The following DLG2 variants were observed in gnomAD, a reference collection of about 807,000 sequenced individuals.
The protein encoded by DLG2 is disks large homolog 2.
In DLG2, 45 loss-of-function variants were observed where a neutral mutation model predicts 132.5. The ratio of observed to expected loss-of-function variants is 0.34; its 90% CI spans 0.27 to 0.44. The LOEUF is 0.44. DLG2 is among the 20% of genes least tolerant of loss of function. The pLI, the probability that DLG2 is intolerant of heterozygous loss-of-function variation, is 1.00. For missense variants in DLG2, 1,045 were observed against 1,196.9 expected, an observed-to-expected ratio of 0.87 and a Z score of 1.87; for synonymous variants, 424 against 419.6, an observed-to-expected ratio of 1.01 and a Z score of -0.13.
chr11:83,489,956 A>AGAT (rs35941140), intron 21 of DLG2, among the ~76,000 whole-genome samples: 55,662 of 151,586 alleles, frequency 0.37, 10,257 homozygotes, highest in Middle Eastern at 0.45. Flanking sequence ...TAGAGGCATG[A>AGAT]GATATAAACT....
intron 6 of DLG2, among the ~76,000 whole-genome samples, chr11:84,604,580 G>C (rs947674302): frequency 6.6e-6 from 1 of 151,840 alleles, no homozygotes; most frequent in Admixed American, 6.6e-5. Flanking sequence ...AGATGGCATG[G>C]AACAAAATAA....
chr11:83,945,237 T>C (rs939688641), intron 14 of DLG2, among the ~76,000 whole-genome samples: 12 of 152,164 alleles, frequency 7.9e-5, no homozygotes, highest in African/African-American at 2.4e-4. Flanking sequence ...GACTTCATCA[T>C]TGCGCTACAG....
chr11:84,921,761 T>C (rs2092767026), intron 6 of DLG2, among the ~76,000 whole-genome samples: 1 of 152,174 alleles, frequency 6.6e-6, no homozygotes, highest in Non-Finnish European at 1.5e-5. Flanking sequence ...ACAATGCATG[T>C]CATACCCATA....
intron 15 of DLG2, among the ~76,000 whole-genome samples, chr11:83,903,030 C>T (rs1048508409): frequency 6.6e-6 from 1 of 152,046 alleles, no homozygotes; most frequent in African/African-American, 2.4e-5. Context: ...TCCATTTTAC[C>T]CAATTTTATG....
In DLG2 at chr11:84,979,293, C is replaced by A. The variant is rs573904028; in HGVS notation, c.357+132368G>T. Reference sequence around the variant, plus strand: ...AACTAGAAATACCATTTGACCCAGCCATCCCATTACTGGGTATATACCCAA... The same window carrying A: ...AACTAGAAATACCATTTGACCCAGCAATCCCATTACTGGGTATATACCCAA... On this transcript the variant is annotated intron_variant, in intron 6 of 27. Transcript: ENST00000376104. Among the ~76,000 whole-genome samples, 8 of 152,284 alleles carry A rather than the reference C, an allele frequency of 5.3e-5. No homozygotes were observed. In the South Asian group the frequency reaches 1.7e-3, roughly 32 times the overall value.
chr11:83,484,490 TAGA>T lies in DLG2; in HGVS notation c.2194-265_2194-263del, dbSNP rs530546023. Among the ~76,000 whole-genome samples the T allele has an allele frequency of 7.1e-5, 9 of 127,004 alleles. No individual in the cohort carries two copies. The East Asian group carries it at 1.3e-3, about 19-fold the overall frequency. The allele number at this position is 127,004 out of a possible 152,430, so 83.3% of individuals were successfully genotyped here. A position where few individuals can be genotyped will look rare whatever the true frequency, so the allele number is the denominator to read the frequency against. ...GTGATGGAGGGAAAGAGTCTTAAAT[TAGA>T]AGGAGAAGACCCAGAATTTTTTGAA... On this transcript the variant is annotated intron_variant, in intron 21 of 27. Transcript: ENST00000376104.
intron 6 of DLG2, among the ~76,000 whole-genome samples, chr11:85,098,497 T>C (rs7936452): frequency 3.9e-5 from 6 of 152,222 alleles, no homozygotes; most frequent in Non-Finnish European, 1.5e-5. Flanking sequence ...AGATTTTAGA[T>C]ATTAAGTTTT....
intron 7 of DLG2, among the ~76,000 whole-genome samples, chr11:84,518,166 G>A (rs925221644): frequency 1.1e-5 from 1 of 92,712 alleles, no homozygotes; most frequent in African/African-American, 4.4e-5. Context: ...AGTGGCCAAC[G>A]TAACAACTGG....
chr11:83,670,243 T>C (rs1157167876), intron 18 of DLG2, among the ~76,000 whole-genome samples: 2 of 152,182 alleles, frequency 1.3e-5, no homozygotes, highest in African/African-American at 4.8e-5. Context: ...AGGCTTCTTC[T>C]ACGTGTTACA....
At position 84,096,797 on chromosome 11, in the gene DLG2, A is replaced by C. The variant is rs532384026; in HGVS notation, c.749+2126T>G. Among the ~76,000 whole-genome samples, 12 of 152,282 alleles carry C rather than the reference A, an allele frequency of 7.9e-5. No homozygotes were observed. The East Asian group carries it at 2.1e-3, about 27-fold the overall frequency. On this transcript the variant is annotated intron_variant, in intron 10 of 27. Transcript: ENST00000376104. ...TTCACTCTAGTGGGGATATGTCCTCATTCAGAAATTAATTTAGTTAATTCA... is the reference window on the plus strand; with the variant it reads ...TTCACTCTAGTGGGGATATGTCCTCCTTCAGAAATTAATTTAGTTAATTCA...
intron 15 of DLG2, among the ~76,000 whole-genome samples, chr11:83,889,196 C>G (rs971283140): frequency 6.6e-6 from 1 of 151,994 alleles, no homozygotes; most frequent in African/African-American, 2.4e-5. Flanking sequence ...AAAATTTTCG[C>G]AACCTACTCA....
At chr11:84,172,500 A>C (rs2095847277) in intron 8 of DLG2, among the ~76,000 whole-genome samples, 1 of 150,944 alleles carries the variant, frequency 6.6e-6, no homozygotes, top group Admixed American at 6.7e-5. Flanking sequence ...AAATCAGTAT[A>C]CTATAATTTT....
At chr11:84,619,766 T>C (rs1210081778) in intron 6 of DLG2, among the ~76,000 whole-genome samples, 1 of 151,620 alleles carries the variant, frequency 6.6e-6, no homozygotes, top group Non-Finnish European at 1.5e-5. Context: ...AAATGTAAAA[T>C]ATTTAAGGAA....
At chr11:85,528,198 A>G (rs2074932420) in intron 3 of DLG2, among the ~76,000 whole-genome samples, 1 of 152,008 alleles carries the variant, frequency 6.6e-6, no homozygotes, top group Admixed American at 6.6e-5. Context: ...ATTAGATCCC[A>G]TTTGTCAATT....
intron 19 of DLG2, among the ~76,000 whole-genome samples, chr11:83,585,454 T>A (rs1336143827): frequency 6.6e-6 from 1 of 152,206 alleles, no homozygotes; most frequent in African/African-American, 2.4e-5. Flanking sequence ...TTTCTGAGAT[T>A]TTCCCCCTAC....
At chr11:84,858,281 T>C (rs2083066989) in intron 6 of DLG2, among the ~76,000 whole-genome samples, 1 of 151,940 alleles carries the variant, frequency 6.6e-6, no homozygotes, top group South Asian at 2.1e-4. Flanking sequence ...CCCAGAAAAG[T>C]CATTCCTACT....
intron 3 of DLG2, among the ~76,000 whole-genome samples, chr11:85,367,176 A>G (rs2084624419): frequency 6.6e-6 from 1 of 152,144 alleles, no homozygotes; most frequent in Non-Finnish European, 1.5e-5. Context: ...ATTTAGTTTA[A>G]TAACATAGTT....
At chr11:84,458,212 A>G (rs956197629) in intron 7 of DLG2, among the ~76,000 whole-genome samples, 1 of 150,862 alleles carries the variant, frequency 6.6e-6, no homozygotes, top group Non-Finnish European at 1.5e-5. Flanking sequence ...TGTGTCAACT[A>G]TTACAAACAA....
At chr11:83,570,778 A>G (rs590014) in intron 19 of DLG2, among the ~76,000 whole-genome samples, 72,358 of 151,946 alleles carry the variant, frequency 0.48, 17,859 homozygotes, top group Admixed American at 0.57. Flanking sequence ...CAGGAGTCCA[A>G]GAAGCTTGAA....
Sources: allele counts gnomAD v4.1 joint callset (sites outside exome capture counted in the v4.1 genomes callset), GRCh38; gene constraint gnomAD v4.1.1; transcripts MANE v1.5; gene names NCBI Gene and HGNC (gene_info 2026-07-23, HGNC 2026-07-21).